Variants in SORCS1 observed in about 807,000 individuals in gnomAD.
The protein encoded by SORCS1 is sortilin related VPS10 domain containing receptor 1.
SORCS1 carries 60 observed loss-of-function variants against 146.1 expected under a neutral mutation model. The observed-to-expected ratio is 0.41, with a 90% confidence interval of 0.33 to 0.51. The LOEUF (loss-of-function observed/expected upper bound fraction) is 0.51, where lower values mean the gene tolerates loss of function less well. SORCS1 is among the 20% of genes least tolerant of loss of function. The pLI is 0.21. For missense variants in SORCS1, 1,352 were observed against 1,487.6 expected, an observed-to-expected ratio of 0.91 and a Z score of 1.50; for synonymous variants, 637 against 584.0, an observed-to-expected ratio of 1.09 and a Z score of -1.31.
intron 2 of SORCS1, among the ~76,000 whole-genome samples, chr10:106,897,172 C>T (rs976075884): frequency 2.0e-5 from 3 of 151,512 alleles, no homozygotes; most frequent in Admixed American, 1.3e-4. Flanking sequence ...TGAGCCACCT[C>T]GCCTGGCCTG....
At chr10:107,019,070 C>A (rs1958019605) in intron 1 of SORCS1, among the ~76,000 whole-genome samples, 1 of 152,064 alleles carries the variant, frequency 6.6e-6, no homozygotes, top group Admixed American at 6.6e-5. Flanking sequence ...CATATCTCAG[C>A]TGTAAATATT....
At chr10:106,844,564 CTT>C (rs71482493) in intron 2 of SORCS1, among the ~76,000 whole-genome samples, 1 of 142,602 alleles carries the variant, frequency 7.0e-6, no homozygotes, top group East Asian at 2.0e-4. Context: ...TACTGAATTT[CTT>C]TTTTTTTTTA....
chr10:106,679,835 A>G (rs1201837806), intron 10 of SORCS1, 101 bp from the exon 11 acceptor site: 2 of 892,956 alleles, frequency 2.2e-6, no homozygotes, highest in Admixed American at 2.1e-5. Context: ...CATCCCATTT[A>G]CCATACATCC....
chr10:106,999,926 G>GA (rs112201363), intron 1 of SORCS1, among the ~76,000 whole-genome samples: 13,505 of 151,174 alleles, frequency 0.089, 1,970 homozygotes, highest in African/African-American at 0.31. Flanking sequence ...TTGTTGTTTG[G>GA]AAAAAAAAAT....
At chr10:106,978,294 A>G (rs962539215) in intron 1 of SORCS1, among the ~76,000 whole-genome samples, 2 of 152,166 alleles carry the variant, frequency 1.3e-5, no homozygotes, top group African/African-American at 4.8e-5. Context: ...ATGATGTTAG[A>G]AAATATGACT....
At chr10:106,880,712 G>C (rs1950772846) in intron 2 of SORCS1, among the ~76,000 whole-genome samples, 3 of 152,114 alleles carry the variant, frequency 2.0e-5, no homozygotes, top group Admixed American at 2.0e-4. Context: ...CAATGAAGTA[G>C]AAGAGAAATG....
chr10:106,801,027 T>A (rs1337583662), intron 3 of SORCS1, among the ~76,000 whole-genome samples: 1 of 152,230 alleles, frequency 6.6e-6, no homozygotes. Flanking sequence ...TACCACACAC[T>A]GGAACCTTTC....
intron 4 of SORCS1, among the ~76,000 whole-genome samples, chr10:106,766,072 G>T (rs1460843698): frequency 1.3e-5 from 2 of 152,168 alleles, no homozygotes; most frequent in African/African-American, 4.8e-5. Flanking sequence ...GGCTTCCCCG[G>T]TCAAGGGGTA....
At chr10:106,971,318 C>T (rs142211513) in intron 1 of SORCS1, among the ~76,000 whole-genome samples, 2,031 of 152,264 alleles carry the variant, frequency 0.013, 26 homozygotes, top group Non-Finnish European at 0.018. Context: ...TATGTAATAT[C>T]CTCTTGCTGA....
chr10:107,031,200 C>T (rs979447985), intron 1 of SORCS1, among the ~76,000 whole-genome samples: 3 of 152,046 alleles, frequency 2.0e-5, no homozygotes, highest in African/African-American at 7.2e-5. Context: ...TTTTTCTAAC[C>T]CCTGGACCAT....
chr10:107,033,727 G>C (rs1295966353), intron 1 of SORCS1, among the ~76,000 whole-genome samples: 2 of 152,174 alleles, frequency 1.3e-5, no homozygotes. Context: ...CTAGAGTTTA[G>C]CTAGCTAGTT....
chr10:106,584,802 G>A (rs1845126339), intron 24 of SORCS1, among the ~76,000 whole-genome samples: 1 of 152,166 alleles, frequency 6.6e-6, no homozygotes, highest in East Asian at 1.9e-4. Context: ...TGAATCTTCA[G>A]TAATATCCAG....
intron 2 of SORCS1, among the ~76,000 whole-genome samples, chr10:106,943,993 C>T (rs1320959329): frequency 6.6e-6 from 1 of 152,108 alleles, no homozygotes; most frequent in Non-Finnish European, 1.5e-5. Context: ...AACAACTGGT[C>T]CTGTGCTTCT....
At chr10:107,039,597 G>A (rs1338094972) in intron 1 of SORCS1, among the ~76,000 whole-genome samples, 2 of 152,058 alleles carry the variant, frequency 1.3e-5, no homozygotes, top group African/African-American at 4.8e-5. Flanking sequence ...TTCCTCTCTG[G>A]CTCCCCTGCG....
intron 1 of SORCS1, among the ~76,000 whole-genome samples, chr10:107,082,991 C>T (rs1176847338): frequency 6.6e-6 from 1 of 151,640 alleles, no homozygotes; most frequent in Admixed American, 6.6e-5. Context: ...CACCTGTAGT[C>T]CCAGCTACTG....
intron 7 of SORCS1, among the ~76,000 whole-genome samples, chr10:106,707,696 G>A (rs767623875): frequency 6.6e-6 from 1 of 152,096 alleles, no homozygotes; most frequent in Non-Finnish European, 1.5e-5. Flanking sequence ...GAATCCTGGT[G>A]GGTGTGAGAG....
intron 2 of SORCS1, among the ~76,000 whole-genome samples, chr10:106,918,285 C>T (rs1042900489): frequency 2.0e-5 from 3 of 152,134 alleles, no homozygotes; most frequent in Admixed American, 6.5e-5. Flanking sequence ...CTCAGCCTCC[C>T]GAGTGGCTGG....
chr10:107,117,586 T>C (rs766938222), intron 1 of SORCS1, among the ~76,000 whole-genome samples: 3 of 152,190 alleles, frequency 2.0e-5, no homozygotes, highest in Non-Finnish European at 4.4e-5. Flanking sequence ...GGTGAAATAT[T>C]AGCTCCAGTG....
At chr10:106,897,617 C>T (rs2138009881) in intron 2 of SORCS1, among the ~76,000 whole-genome samples, 1 of 152,072 alleles carries the variant, frequency 6.6e-6, no homozygotes, top group East Asian at 1.9e-4. Flanking sequence ...TGTGTGTGTA[C>T]ATGTATGTGT....
Sources: allele counts gnomAD v4.1 joint callset (sites outside exome capture counted in the v4.1 genomes callset), GRCh38; gene constraint gnomAD v4.1.1; transcripts MANE v1.5; gene names NCBI Gene and HGNC (gene_info 2026-07-23, HGNC 2026-07-21).